Variants in GLRA2 observed in about 807,000 individuals in gnomAD.
The protein encoded by GLRA2 is glycine receptor subunit alpha-2.
In GLRA2, 11 loss-of-function variants were observed where a neutral mutation model predicts 31.6. That is an observed-to-expected ratio of 0.35 (90% CI 0.22 to 0.58). The LOEUF is 0.58. Among genes scored for constraint, GLRA2 ranks in the 20% least tolerant of loss-of-function variants. GLRA2 has a pLI of 0.84. For synonymous variants in GLRA2, 132 were observed against 134.0 expected (o/e 0.99, Z 0.10); for missense variants, 212 against 351.8 (o/e 0.60, Z 3.18).
At chrX:14,714,548 C>T (rs894018509) in intron 8 of GLRA2, among the ~76,000 whole-genome samples, 2 of 111,861 alleles carry the variant, frequency 1.8e-5, no homozygotes, top group African/African-American at 6.5e-5. Flanking sequence ...CATTTACAGG[C>T]TGTGGCAACA....
chrX:14,456,374 C>T, the GLRA2 span, among the ~76,000 whole-genome samples: 4 of 111,183 alleles, frequency 3.6e-5, no homozygotes, highest in East Asian at 5.6e-4. Context: ...CATCCAATGT[C>T]GTCCTTCTAG....
the GLRA2 span, among the ~76,000 whole-genome samples, chrX:14,485,564 A>G: frequency 9.0e-6 from 1 of 111,712 alleles, no homozygotes; most frequent in Non-Finnish European, 1.9e-5. Context: ...TAACATATCC[A>G]TCATCTCATA....
intron 6 of GLRA2, among the ~76,000 whole-genome samples, chrX:14,608,041 C>T (rs753163101): frequency 1.8e-5 from 2 of 111,515 alleles, no homozygotes; most frequent in East Asian, 2.8e-4. Flanking sequence ...TGGTCTAGGT[C>T]CCTTGCTGAG....
the GLRA2 span, among the ~76,000 whole-genome samples, chrX:14,471,734 A>G: frequency 1.8e-5 from 2 of 112,478 alleles, no homozygotes; most frequent in South Asian, 7.4e-4. Context: ...TCACTGGAAG[A>G]TGGTTTTTCA....
chrX:14,692,186 T>C (rs1161082151), intron 8 of GLRA2, among the ~76,000 whole-genome samples: 4 of 112,205 alleles, frequency 3.6e-5, no homozygotes, highest in African/African-American at 1.3e-4. Context: ...CTCAGGAACA[T>C]TTTGTCCTGC....
intron 7 of GLRA2, among the ~76,000 whole-genome samples, chrX:14,659,775 A>C (rs1248956111): frequency 3.6e-5 from 4 of 112,078 alleles, no homozygotes; most frequent in Non-Finnish European, 7.5e-5. Context: ...GATTCTAGCT[A>C]CTCACAACAT....
the GLRA2 span, among the ~76,000 whole-genome samples, chrX:14,514,968 C>T: frequency 1.6e-3 from 172 of 110,778 alleles, no homozygotes; most frequent in African/African-American, 5.3e-3. Context: ...ATGTTTACCA[C>T]TTTTTTTTGC....
At chrX:14,527,571 C>T (rs1253739378), upstream of GLRA2, among the ~76,000 whole-genome samples, 7 of 107,278 alleles carry the variant, frequency 6.5e-5, no homozygotes, top group South Asian at 4.3e-4. Context: ...GCTGAGATGA[C>T]GCCACTGCAC....
chrX:14,721,481 G>C (rs1046672017), intron 8 of GLRA2, among the ~76,000 whole-genome samples: 1 of 111,255 alleles, frequency 9.0e-6, no homozygotes, highest in African/African-American at 3.3e-5. Context: ...CTCCCTGTGA[G>C]TATGCTGTGT....
chrX:14,518,278 A>G, the GLRA2 span, among the ~76,000 whole-genome samples: 5 of 112,221 alleles, frequency 4.5e-5, no homozygotes, highest in Admixed American at 3.8e-4. Context: ...GCAAGAGCAT[A>G]AATTTTATAA....
intron 8 of GLRA2, among the ~76,000 whole-genome samples, chrX:14,692,304 C>G (rs768719703): frequency 8.9e-6 from 1 of 112,421 alleles, no homozygotes; most frequent in East Asian, 2.8e-4. Flanking sequence ...CCTGTTGGTG[C>G]TAACGTTTCT....
chrX:14,691,324 T>TGTGC (rs1224170856), intron 8 of GLRA2, among the ~76,000 whole-genome samples: 11 of 64,342 alleles, frequency 1.7e-4, no homozygotes, highest in South Asian at 7.3e-4. Context: ...TGTGTGTGTG[T>TGTGC]GCGCGCGTGC....
chrX:14,660,865 A>G (rs1306372398), intron 7 of GLRA2, among the ~76,000 whole-genome samples: 1 of 112,569 alleles, frequency 8.9e-6, no homozygotes, highest in African/African-American at 3.2e-5. Context: ...ATGAGACATC[A>G]AAGTAGAGTC....
At chrX:14,591,040 T>C (rs770321149) in intron 4 of GLRA2, among the ~76,000 whole-genome samples, 1 of 111,517 alleles carries the variant, frequency 9.0e-6, no homozygotes, top group East Asian at 2.8e-4. Flanking sequence ...GTCCAGAAAG[T>C]GCGTTGTATG....
At chrX:14,496,716 T>G in the GLRA2 span, among the ~76,000 whole-genome samples, 1 of 112,196 alleles carries the variant, frequency 8.9e-6, no homozygotes, top group Non-Finnish European at 1.9e-5. Flanking sequence ...AGGCCCATTT[T>G]ACAGATGGAG....
At chrX:14,501,923 G>A in the GLRA2 span, among the ~76,000 whole-genome samples, 4 of 111,268 alleles carry the variant, frequency 3.6e-5, no homozygotes, top group Admixed American at 9.6e-5. Context: ...GCAGATGACC[G>A]TCTTCCTCCT....
Position 14,690,744 on chromosome X carries a change from C to T in GLRA2, c.965C>T (p.Ala322Val), listed in dbSNP as rs995774836. ...SYVKAIDIWMAVCLLFVFAAL... is the reference protein window; with the variant it reads ...SYVKAIDIWMVVCLLFVFAAL... ...GTAAAAGCGATTGACATCTGGATGGCGGTGTGCCTTCTGTTTGTGTTTGCT... is the reference window on the plus strand; with the variant it reads ...GTAAAAGCGATTGACATCTGGATGGTGGTGTGCCTTCTGTTTGTGTTTGCT... The change falls in exon 8 of 9, where the codon GCG (alanine) becomes GTG (valine). Residue 322 changes from alanine to valine, a missense_variant. This residue lies in a region of GLRA2 where 110 missense variants were observed against 232.6 expected (regional missense o/e 0.47). Transcript: ENST00000218075. The T allele has an allele frequency of 1.7e-6, 2 of 1,204,001 alleles. No individual in the cohort carries two copies. Among genetic ancestry groups the T allele is most frequent in the Non-Finnish European group, 2.2e-6 (2 of 889,317 alleles).
chrX:14,654,055 G>T (rs1461273249), intron 7 of GLRA2, among the ~76,000 whole-genome samples: 2 of 111,925 alleles, frequency 1.8e-5, no homozygotes, highest in Non-Finnish European at 3.8e-5. Context: ...AGCCCAGGAA[G>T]TCAAGGCTGC....
intron 8 of GLRA2, among the ~76,000 whole-genome samples, chrX:14,716,816 T>C (rs1464714480): frequency 9.0e-6 from 1 of 110,928 alleles, no homozygotes; most frequent in Non-Finnish European, 1.9e-5. Flanking sequence ...AAAATGGAAA[T>C]TAATACCTAA....
Sources: gnomAD v4.1 joint callset for allele counts (sites outside exome capture counted in the v4.1 genomes callset) on GRCh38, gnomAD v4.1.1 for gene constraint, gnomAD v4.1.1 regional missense constraint, MANE v1.5 for transcripts, NCBI Gene and HGNC (gene_info 2026-07-23, HGNC 2026-07-21) for gene names.